Variants in ANXA10 observed in about 807,000 individuals in gnomAD.
ANXA10 encodes annexin 14.
A neutral mutation model predicts 53.5 loss-of-function variants in ANXA10; 49 were observed. The observed-to-expected ratio is 0.92, with a 90% CI of 0.73 to 1.16. The LOEUF (loss-of-function observed/expected upper bound fraction) is 1.16, where lower values mean the gene tolerates loss of function less well. Among genes scored for constraint, ANXA10 ranks in the 50% most tolerant of loss-of-function variants. The pLI is 0.00. For synonymous variants in ANXA10, 131 were observed against 128.9 expected (o/e 1.02, Z -0.11); for missense variants, 393 against 394.4 (o/e 1.00, Z 0.03).
At chr4:168,095,798 T>A (rs1193140809) in intron 1 of ANXA10, among the ~76,000 whole-genome samples, 1 of 152,140 alleles carries the variant, frequency 6.6e-6, no homozygotes, top group Non-Finnish European at 1.5e-5. Flanking sequence ...TACAGAGGAT[T>A]CTGTGTAACT....
chr4:168,127,911 AGGGGGTT>A, intron 1 of ANXA10, 166 bp from the exon 2 acceptor site: 1 of 375,296 alleles, frequency 2.7e-6, no homozygotes, highest in South Asian at 2.3e-5. Flanking sequence ...TTTTGTAGAG[AGGGGGTT>A]TCATCATGTT....
chr4:168,092,982 GA>G (rs1730483731), intron 1 of ANXA10, among the ~76,000 whole-genome samples: 1 of 151,954 alleles, frequency 6.6e-6, no homozygotes, highest in African/African-American at 2.4e-5. Flanking sequence ...AGCAAATAAA[GA>G]AAACTGAAGA....
chr4:168,168,064 A>G (rs1160353064), intron 6 of ANXA10, among the ~76,000 whole-genome samples: 1 of 152,200 alleles, frequency 6.6e-6, no homozygotes, highest in Non-Finnish European at 1.5e-5. Context: ...GTAATAGATG[A>G]CTAAAAGCAT....
At chr4:168,134,220 T>C (rs1731199312) in intron 2 of ANXA10, among the ~76,000 whole-genome samples, 1 of 152,078 alleles carries the variant, frequency 6.6e-6, no homozygotes, top group Admixed American at 6.6e-5. Flanking sequence ...AGCAAAAAGC[T>C]CCACAAATCT....
chr4:168,186,923 GATA>G (rs1560796027), intron 11 of ANXA10, among the ~76,000 whole-genome samples: 4 of 151,990 alleles, frequency 2.6e-5, no homozygotes, highest in East Asian at 3.9e-4. Flanking sequence ...ATCAATGATT[GATA>G]ATAACTTTCT....
At chr4:168,177,071 G>C (rs576776772) in intron 6 of ANXA10, among the ~76,000 whole-genome samples, 1 of 152,224 alleles carries the variant, frequency 6.6e-6, no homozygotes, top group Admixed American at 6.5e-5. Flanking sequence ...GGAGCAAGGA[G>C]AAAGCCTCCC....
chr4:168,139,658 T>A, intron 3 of ANXA10, 78 bp downstream of exon 3: 1 of 1,087,700 alleles, frequency 9.2e-7, no homozygotes, highest in Non-Finnish European at 1.3e-6. Flanking sequence ...TAGGTATTTT[T>A]TTTTTCAATC....
At chr4:168,162,699 G>C (rs1418477857) in intron 4 of ANXA10, 58 bp downstream of exon 4, 2 of 1,346,324 alleles carry the variant, frequency 1.5e-6, no homozygotes, top group Non-Finnish European at 2.1e-6. Context: ...TTTCAGTAGA[G>C]GGGAAACTGC....
At chr4:168,144,919 CAG>C (rs1473987214) in intron 3 of ANXA10, among the ~76,000 whole-genome samples, 1 of 152,174 alleles carries the variant, frequency 6.6e-6, no homozygotes, top group Admixed American at 6.5e-5. Flanking sequence ...TTAATTCACA[CAG>C]AGTCAGCTGT....
chr4:168,124,793 T>C (rs559077822), intron 1 of ANXA10, among the ~76,000 whole-genome samples: 1 of 152,298 alleles, frequency 6.6e-6, no homozygotes, highest in Non-Finnish European at 1.5e-5. Context: ...AGAAGCATTG[T>C]TTTGGGCATT....
intron 3 of ANXA10, among the ~76,000 whole-genome samples, chr4:168,156,143 AAAT>A (rs1191382799): frequency 4.2e-5 from 1 of 24,092 alleles, no homozygotes; most frequent in Non-Finnish European, 6.7e-5. Flanking sequence ...TTATATATAA[AAAT>A]AATATATATT....
rs764418422 is a variant in ANXA10, at chr4:168,164,300, T to C, written c.400+12T>C. 5 of 1,572,248 alleles carry C rather than the reference T, an allele frequency of 3.2e-6. No homozygotes were observed. The highest frequency in any genetic ancestry group is 3.5e-6 in the Non-Finnish European group (4 of 1,143,420). ...AGCCTACTGCTTGCGTAAGGAAATATACATATGTGAATATATTTTACACAT... is the reference window on the plus strand; with the variant it reads ...AGCCTACTGCTTGCGTAAGGAAATACACATATGTGAATATATTTTACACAT... On this transcript the variant is annotated intron_variant, in intron 5 of 11. Transcript: ENST00000359299.
chr4:168,139,430 T>A, intron 2 of ANXA10, 56 bp from the exon 3 acceptor site: 1 of 1,441,754 alleles, frequency 6.9e-7, no homozygotes, highest in Non-Finnish European at 9.7e-7. Flanking sequence ...GATAAAGGAT[T>A]CTTCCCAACT....
intron 3 of ANXA10, among the ~76,000 whole-genome samples, chr4:168,139,794 A>G (rs1394620212): frequency 2.0e-5 from 3 of 152,248 alleles, no homozygotes; most frequent in African/African-American, 7.2e-5. Flanking sequence ...TCACACTCAC[A>G]GTGACCAGTG....
chr4:168,092,911 A>C (rs1409214622), intron 1 of ANXA10, among the ~76,000 whole-genome samples, 193 bp downstream of exon 1: 9 of 152,058 alleles, frequency 5.9e-5, no homozygotes, highest in Non-Finnish European at 2.9e-5. Flanking sequence ...TATTTCTGGG[A>C]TTATTAAACA....
Position 168,184,637 on chromosome 4 carries a change from C to A in ANXA10, c.862C>A (p.Arg288=). Residue 288 remains arginine (R), a synonymous_variant, in exon 11 of 12, where the codon CGA becomes AGA. Transcript: ENST00000359299. Reference sequence around the variant, plus strand: ...AATAGACCTGCTGACCATAAGGAAACGATACAAAGAGCGATATGGAAAATC... The same window carrying A: ...AATAGACCTGCTGACCATAAGGAAAAGATACAAAGAGCGATATGGAAAATC... The part of the protein sequence containing the change: ...SEIDLLTIRK[R]YKERYGKSLF... 6.2e-7 allele frequency: 1 copy of A among 1,613,902 alleles called. No homozygotes were observed. Among genetic ancestry groups the A allele is most frequent in the East Asian group, 2.2e-5 (1 of 44,860 alleles).
At chr4:168,165,965 C>A (rs1241951763) in intron 6 of ANXA10, among the ~76,000 whole-genome samples, 1 of 152,228 alleles carries the variant, frequency 6.6e-6, no homozygotes, top group East Asian at 1.9e-4. Context: ...GCGTGAGCCA[C>A]CATGCCCAGC....
At chr4:168,095,191 G>A (rs1014204236) in intron 1 of ANXA10, among the ~76,000 whole-genome samples, 1 of 151,782 alleles carries the variant, frequency 6.6e-6, no homozygotes, top group African/African-American at 2.4e-5. Context: ...GAATACACCT[G>A]CCTCTTTAGA....
chr4:168,142,444 TC>T (rs1341008549), intron 3 of ANXA10, among the ~76,000 whole-genome samples: 3 of 152,166 alleles, frequency 2.0e-5, no homozygotes, highest in African/African-American at 7.2e-5. Flanking sequence ...TAACCTGATT[TC>T]AATACCACAG....
Sources: gnomAD v4.1 joint callset for allele counts (sites outside exome capture counted in the v4.1 genomes callset) on GRCh38, gnomAD v4.1.1 for gene constraint, MANE v1.5 for transcripts, NCBI Gene and HGNC (gene_info 2026-07-23, HGNC 2026-07-21) for gene names.